Variants in NPAT observed in about 807,000 individuals in gnomAD.
NPAT encodes the protein protein NPAT.
A neutral mutation model predicts 130.7 loss-of-function variants in NPAT; 52 were observed. That is an observed-to-expected ratio of 0.40 (90% CI 0.32 to 0.50). The LOEUF (loss-of-function observed/expected upper bound fraction) is 0.50, where lower values mean the gene tolerates loss of function less well. NPAT is among the 20% of genes least tolerant of loss of function. The pLI is 0.68. For missense variants in NPAT, 1,687 were observed against 1,662.6 expected (o/e 1.01, Z -0.26); for synonymous variants, 580 against 584.8 (o/e 0.99, Z 0.12).
intron 5 of NPAT, among the ~76,000 whole-genome samples, chr11:108,189,783 T>C (rs2078147358): frequency 6.9e-6 from 1 of 145,000 alleles, no homozygotes; most frequent in Admixed American, 7.0e-5. Context: ...GGCAGGAGAA[T>C]GGCGTGAACC....
chr11:108,163,565 A>G (rs929058310), intron 15 of NPAT, among the ~76,000 whole-genome samples: 1 of 152,210 alleles, frequency 6.6e-6, no homozygotes, highest in Non-Finnish European at 1.5e-5. Context: ...TACATTTCCA[A>G]AAGTAAAGGA....
intron 1 of NPAT, among the ~76,000 whole-genome samples, chr11:108,208,002 A>G (rs2078345633): frequency 6.6e-6 from 1 of 152,272 alleles, no homozygotes; most frequent in Non-Finnish European, 1.5e-5. Flanking sequence ...AGTAAGACTT[A>G]AAGTTGTTAT....
intron 15 of NPAT, among the ~76,000 whole-genome samples, 194 bp from the exon 16 acceptor site, chr11:108,162,374 C>T (rs2077860357): frequency 6.6e-6 from 1 of 152,158 alleles, no homozygotes; most frequent in Non-Finnish European, 1.5e-5. Flanking sequence ...TTCCCCACTG[C>T]TACAGAGGAA....
Position 108,196,732 on chromosome 11 carries a change from T to G in NPAT, c.156+570A>C, listed in dbSNP as rs116037400. ...TTGTTCATTGCAGGCATACGGAATA[T>G]AATGGATTTGTGTATATTCTGTATT... is the stretch of plus-strand genomic sequence containing the variant. On this transcript the variant is annotated intron_variant, in intron 2 of 17. Coordinates refer to ENST00000278612, the MANE Select transcript of NPAT (RefSeq NM_002519.3). 6.0e-3 allele frequency among the ~76,000 whole-genome samples: 915 copies of G among 152,336 alleles called. 12 individuals carry two copies. Among genetic ancestry groups the G allele is most frequent in the African/African-American group, 0.021 (864 of 41,574 alleles).
intron 1 of NPAT, among the ~76,000 whole-genome samples, chr11:108,208,167 T>C (rs1454065144): frequency 6.6e-6 from 1 of 152,170 alleles, no homozygotes; most frequent in African/African-American, 2.4e-5. Context: ...AACATTTCCT[T>C]TGAGGGTCAT....
At chr11:108,220,770 G>T (rs113840309) in intron 1 of NPAT, among the ~76,000 whole-genome samples, 2,068 of 152,282 alleles carry the variant, frequency 0.014, 47 homozygotes, top group African/African-American at 0.047. Context: ...TTTTTAGTAA[G>T]AATAGAATTA....
At chr11:108,211,623 G>A (rs7119429) in intron 1 of NPAT, among the ~76,000 whole-genome samples, 3,282 of 151,966 alleles carry the variant, frequency 0.022, 87 homozygotes, top group African/African-American at 0.067. Context: ...GATGCACCAT[G>A]ACCAAGTGGG....
chr11:108,198,729 TCA>T (rs1291047254), intron 1 of NPAT, among the ~76,000 whole-genome samples: 1 of 152,148 alleles, frequency 6.6e-6, no homozygotes, highest in Non-Finnish European at 1.5e-5. Context: ...CATGAAAACC[TCA>T]GACTCAACCA....
At position 108,190,462 on chromosome 11, in the gene NPAT, C is replaced by G; in HGVS notation, c.329G>C (p.Arg110Thr). ...ATTGTTTAAAGTTGGATACCAACCTCTCTGACTGCCAGCAAACCTTGGGGA... is the reference window on the plus strand; with the variant it reads ...ATTGTTTAAAGTTGGATACCAACCTGTCTGACTGCCAGCAAACCTTGGGGA... Reference protein sequence around the residue: ...QSSPRFAGSQRARTRTGIAEI... With the variant: ...QSSPRFAGSQTARTRTGIAEI... The change falls in exon 5 of 18, where the codon AGA becomes ACA. Residue 110 changes from arginine (R) to threonine (T), a missense_variant and splice_region_variant. Transcript: ENST00000278612. The G allele has an allele frequency of 6.2e-7, 1 of 1,613,280 alleles. No homozygotes were observed. Among genetic ancestry groups the G allele is most frequent in the Non-Finnish European group, 8.5e-7 (1 of 1,179,282 alleles).
rs773865494 is a variant in NPAT at position 108,161,917 on chromosome 11, T to G, written c.3169A>C (p.Lys1057Gln). ...FPEESIVPAA[K>Q]PCHRRVLCFD... ...CAGAGTACACGTCTGTGGCATGGTT[T>G]AGCAGCTGGAACTATACTCTCTTCT... Residue 1057 changes from lysine (K) to glutamine (Q), a missense_variant, in exon 17 of 18, where the codon AAA becomes CAA. By Grantham distance (53) the Lys-to-Gln change is moderately conservative. This residue lies in a region of NPAT where 1,379 missense variants were observed against 1,346.6 expected (regional missense o/e 1.02). Coordinates refer to ENST00000278612, the MANE Select transcript of NPAT (RefSeq NM_002519.3). 5.0e-6 allele frequency: 8 copies of G among 1,611,436 alleles called. No homozygotes were observed. In the East Asian group the frequency reaches 1.3e-4, roughly 27 times the overall value.
chr11:108,193,333 CA>C (rs1194502153), intron 3 of NPAT, among the ~76,000 whole-genome samples: 1 of 151,876 alleles, frequency 6.6e-6, no homozygotes, highest in African/African-American at 2.4e-5. Context: ...GTAGATAACA[CA>C]GAGGTAAGAG....
rs58890849 is a variant in NPAT, at chr11:108,209,888, CAAAAAAA to C, written c.38-12475_38-12469del. On this transcript the variant is annotated intron_variant, in intron 1 of 17. Coordinates refer to ENST00000278612, the MANE Select transcript of NPAT (RefSeq NM_002519.3). ...TGGGGAACAGAGTGAGACTTCATCT[CAAAAAAA>C]AAAAAAAAAAAAAAAAAATTCAATA... 1.5e-3 allele frequency among the ~76,000 whole-genome samples: 105 copies of C among 70,792 alleles called. No homozygotes were observed. In the South Asian group the frequency reaches 0.018, roughly 12 times the overall value. 46.4% of individuals were successfully genotyped at this position (70,792 alleles called of 152,430 possible).
chr11:108,196,003 C>T (rs945560533), intron 2 of NPAT, among the ~76,000 whole-genome samples: 3 of 152,146 alleles, frequency 2.0e-5, no homozygotes, highest in Non-Finnish European at 2.9e-5. Flanking sequence ...CTAATTTTTG[C>T]CTTTATAGCC....
Position 108,169,767 on chromosome 11 carries a change from C to T in NPAT, c.2987G>A (p.Gly996Glu). Residue 996 changes from glycine to glutamate, a missense_variant, in exon 15 of 18, where the codon GGA becomes GAA. By Grantham distance (98) the Gly-to-Glu change is moderately conservative. Around this residue, in one of 3 missense-constraint regions of NPAT, gnomAD observed 1,379 missense variants for 1,346.6 expected, o/e 1.02. Coordinates refer to ENST00000278612, the MANE Select transcript of NPAT (RefSeq NM_002519.3). ...ACCTATACAAGGCTTGTTTCTTAGT[C>T]CCTGAGCCTTCTGAGATTTTGGAGG... The part of the protein sequence containing the change: ...PVPPKSQKAQ[G>E]LRNKPCIGKQ... The T allele has an allele frequency of 6.2e-7, 1 of 1,612,724 alleles. No individual in the cohort carries two copies. Among genetic ancestry groups the T allele is most frequent in the South Asian group, 1.1e-5 (1 of 91,048 alleles).
chr11:108,165,956 A>G (rs187404808), intron 15 of NPAT, among the ~76,000 whole-genome samples: 57 of 149,926 alleles, frequency 3.8e-4, no homozygotes, highest in African/African-American at 1.4e-3. Context: ...TTTTTTAAAA[A>G]AAAATTCTGT....
chr11:108,221,721 G>T (rs1248427868), intron 1 of NPAT, among the ~76,000 whole-genome samples: 2 of 152,088 alleles, frequency 1.3e-5, no homozygotes, highest in African/African-American at 4.8e-5. Context: ...GCTTTACCTG[G>T]CTCTCGTCCC....
At chr11:108,171,696 A>T (rs926537863) in intron 13 of NPAT, 1 of 153,672 alleles carries the variant, frequency 6.5e-6, no homozygotes, top group African/African-American at 2.4e-5. Context: ...CATGTTCTCG[A>T]GGCTGGTCTC....
intron 17 of NPAT, 44 bp downstream of exon 17, chr11:108,160,836 G>C: frequency 1.3e-6 from 2 of 1,549,192 alleles, no homozygotes; most frequent in Non-Finnish European, 1.8e-6. Context: ...TCACTAAAGC[G>C]GAAAAAAAAG....
chr11:108,192,888 A>C (rs753009667), intron 3 of NPAT, among the ~76,000 whole-genome samples: 1 of 152,080 alleles, frequency 6.6e-6, no homozygotes, highest in Non-Finnish European at 1.5e-5. Flanking sequence ...CGGGAGACGG[A>C]GGTTGCGGTG....
Sources: allele counts gnomAD v4.1 joint callset (sites outside exome capture counted in the v4.1 genomes callset), GRCh38; gene constraint gnomAD v4.1.1; regional missense constraint gnomAD v4.1.1; transcripts MANE v1.5; gene names NCBI Gene and HGNC (gene_info 2026-07-23, HGNC 2026-07-21).